Variants in SCARB2 observed in about 807,000 individuals in gnomAD.
The protein encoded by SCARB2 is scavenger receptor class B member 2.
A neutral mutation model predicts 58.6 loss-of-function variants in SCARB2; 29 were observed. The ratio of observed to expected loss-of-function variants is 0.49; its 90% CI spans 0.37 to 0.67. SCARB2 has a LOEUF of 0.67. Ranked by LOEUF, SCARB2 falls within the 30% of genes least tolerant of loss-of-function variation. The pLI, the probability that SCARB2 is intolerant of heterozygous loss-of-function variation, is 0.00. For missense variants in SCARB2, 488 were observed against 578.5 expected, an observed-to-expected ratio of 0.84 and a Z score of 1.60; for synonymous variants, 195 against 210.1, an observed-to-expected ratio of 0.93 and a Z score of 0.62.
intron 8 of SCARB2, among the ~76,000 whole-genome samples, chr4:76,169,657 C>T (rs1430961893): frequency 1.3e-5 from 2 of 152,146 alleles, no homozygotes; most frequent in African/African-American, 2.4e-5. Flanking sequence ...CAGGTTTGCT[C>T]GTATTTCTGC....
At chr4:76,233,227 G>C (rs1414697596) in intron 1 of SCARB2, among the ~76,000 whole-genome samples, 1 of 152,106 alleles carries the variant, frequency 6.6e-6, no homozygotes, top group Non-Finnish European at 1.5e-5. Context: ...TGTGCTAACT[G>C]CAGCCAAGTT....
Position 76,213,660 on chromosome 4 carries a change from C to T in SCARB2, c.-117G>A. 3.9e-6 allele frequency: 3 copies of T among 773,348 alleles called. No individual in the cohort carries two copies. Among genetic ancestry groups the T allele is most frequent in the Non-Finnish European group, 4.3e-6 (2 of 468,618 alleles). The allele number at this position is 773,348 out of a possible 1,614,324, so 47.9% of individuals were successfully genotyped here. ...GGGACCCTTCGGCGCCACGCCCACG[C>T]CCTCCCGGCGCACGGTTCGTGCGCG... On this transcript the variant is annotated 5_prime_UTR_variant, in exon 1 of 12. Transcript: ENST00000264896.
intron 1 of SCARB2, among the ~76,000 whole-genome samples, chr4:76,203,300 TAG>T (rs1226706515): frequency 6.6e-6 from 1 of 152,158 alleles, no homozygotes; most frequent in Admixed American, 6.5e-5. Flanking sequence ...TTTCTTAGAA[TAG>T]ACTCCTAGAT....
At chr4:76,175,446 A>C in intron 6 of SCARB2, 1 of 340,228 alleles carries the variant, frequency 2.9e-6, no homozygotes, top group Non-Finnish European at 5.7e-6. Context: ...CCCTGGGCTA[A>C]GTATTTGACT....
intron 1 of SCARB2, among the ~76,000 whole-genome samples, chr4:76,220,646 T>C (rs1296884460): frequency 6.6e-6 from 1 of 152,204 alleles, no homozygotes; most frequent in East Asian, 1.9e-4. Flanking sequence ...GAAGTCCTGA[T>C]ACATGCTACT....
intron 11 of SCARB2, chr4:76,161,960 C>G: frequency 1.6e-6 from 1 of 629,486 alleles, no homozygotes; most frequent in Non-Finnish European, 2.9e-6. Flanking sequence ...TGACCACTCC[C>G]ACCCTCAATA....
intron 1 of SCARB2, among the ~76,000 whole-genome samples, chr4:76,231,377 G>T (rs1407230905): frequency 6.6e-6 from 1 of 152,210 alleles, no homozygotes; most frequent in Non-Finnish European, 1.5e-5. Flanking sequence ...GCTGCAGCTG[G>T]AGACTGCCGG....
In SCARB2 at chr4:76,160,366, C is replaced by T. The variant is rs1045562557; in HGVS notation, c.*1347G>A. On this transcript the variant is annotated 3_prime_UTR_variant, in exon 12 of 12. Coordinates refer to ENST00000264896, the MANE Select transcript of SCARB2 (RefSeq NM_005506.4). Reference sequence around the variant, plus strand: ...AAAATGAATGCTGAACTTTGAGAATCAAAGAAAATGCCCTTAAATATGCTT... The same window carrying T: ...AAAATGAATGCTGAACTTTGAGAATTAAAGAAAATGCCCTTAAATATGCTT... The T allele has an allele frequency of 6.6e-6, 1 of 152,116 alleles. No homozygotes were observed. Among genetic ancestry groups the T allele is most frequent in the African/African-American group, 2.4e-5 (1 of 41,416 alleles). 9.4% of individuals were successfully genotyped at this position (152,116 alleles called of 1,614,324 possible).
intron 4 of SCARB2, among the ~76,000 whole-genome samples, chr4:76,178,427 G>A (rs1732306648): frequency 6.6e-6 from 1 of 152,162 alleles, no homozygotes; most frequent in African/African-American, 2.4e-5. Context: ...AAAAAAGTGA[G>A]TTATATAATG....
intron 1 of SCARB2, 48 bp downstream of exon 1, chr4:76,213,379 G>T: frequency 7.9e-7 from 1 of 1,269,528 alleles, no homozygotes; most frequent in Non-Finnish European, 1.1e-6. Context: ...GGGATGGGAG[G>T]GTGAGCTGGA....
chr4:76,178,690 G>A (rs775012633), intron 4 of SCARB2, among the ~76,000 whole-genome samples: 4 of 152,172 alleles, frequency 2.6e-5, no homozygotes, highest in Admixed American at 6.5e-5. Flanking sequence ...TGCTTCTCCC[G>A]AATGATGCAT....
intron 5 of SCARB2, 91 bp from the exon 6 acceptor site, chr4:76,176,001 A>G: frequency 6.9e-7 from 1 of 1,453,832 alleles, no homozygotes; most frequent in Non-Finnish European, 9.5e-7. Context: ...ATTTAACTGG[A>G]GCTGTCTATC....
In SCARB2 at chr4:76,160,681, A is replaced by C. The variant is rs1318140469; in HGVS notation, c.*1032T>G. 6.6e-6 allele frequency: 1 copy of C among 151,832 alleles called. No homozygotes were observed. Among genetic ancestry groups the C allele is most frequent in the Non-Finnish European group, 1.5e-5 (1 of 67,986 alleles). 9.4% of individuals were successfully genotyped at this position (151,832 alleles called of 1,614,324 possible). On this transcript the variant is annotated 3_prime_UTR_variant, in exon 12 of 12. Coordinates refer to ENST00000264896, the MANE Select transcript of SCARB2 (RefSeq NM_005506.4). ...AAAAAGAACTTCAAAATTACCAAGA[A>C]GGCGGCTGTCCCAGAAGAAATATCT... is the stretch of plus-strand genomic sequence containing the variant.
chr4:76,212,864 T>C (rs1413912692), intron 1 of SCARB2, among the ~76,000 whole-genome samples: 1 of 152,152 alleles, frequency 6.6e-6, no homozygotes, highest in East Asian at 1.9e-4. Flanking sequence ...TGGTACAAGA[T>C]ACAAAGCCAC....
rs144649278 is a variant in SCARB2, at chr4:76,200,612, T to C, written c.118-4748A>G. Reference sequence around the variant, plus strand: ...GCTAAGGACACAAAACCAACATGCATGTAACAGGGAGTGAAAAATTATGTG... The same window carrying C: ...GCTAAGGACACAAAACCAACATGCACGTAACAGGGAGTGAAAAATTATGTG... On this transcript the variant is annotated intron_variant, in intron 1 of 11. Transcript: ENST00000264896. Among the ~76,000 whole-genome samples the C allele has an allele frequency of 9.4e-3, 1,437 of 152,300 alleles. 16 individuals are homozygous for C. Among genetic ancestry groups the C allele is most frequent in the Non-Finnish European group, 0.014 (973 of 68,018 alleles).
chr4:76,212,971 G>A (rs772309435), intron 1 of SCARB2, among the ~76,000 whole-genome samples: 2 of 152,220 alleles, frequency 1.3e-5, no homozygotes, highest in Non-Finnish European at 2.9e-5. Flanking sequence ...AAGAGGGCAA[G>A]AACACAATAG....
chr4:76,190,789 C>T (rs1732589340), intron 2 of SCARB2, among the ~76,000 whole-genome samples: 2 of 143,660 alleles, frequency 1.4e-5, no homozygotes, highest in Non-Finnish European at 3.0e-5. Context: ...GTCTCAAAAA[C>T]AAACAAACAA....
At chr4:76,204,424 G>A (rs377069122) in intron 1 of SCARB2, among the ~76,000 whole-genome samples, 6 of 152,116 alleles carry the variant, frequency 3.9e-5, no homozygotes, top group Non-Finnish European at 7.4e-5. Flanking sequence ...GTAGCTCATG[G>A]GTGAACTGTA....
In SCARB2 at chr4:76,176,515, T is replaced by C; in HGVS notation, c.626A>G (p.Asn209Ser). The C allele has an allele frequency of 6.2e-7, 1 of 1,607,880 alleles. No homozygotes were observed. Among genetic ancestry groups the C allele is most frequent in the Non-Finnish European group, 8.5e-7 (1 of 1,175,422 alleles). Reference protein sequence around the residue: ...FGLFYEKNGTNDGDYVFLTGE... With the variant: ...FGLFYEKNGTSDGDYVFLTGE... ...AGTTAGAAAAACATAGTCTCCATCA[T>C]TAGTCCCATTTTTCTGAAAATATGT... Residue 209 changes from asparagine to serine, a missense_variant, in exon 5 of 12, where the codon AAT (asparagine) becomes AGT (serine). By Grantham distance (46) the Asn-to-Ser change is conservative. Coordinates refer to ENST00000264896, the MANE Select transcript of SCARB2 (RefSeq NM_005506.4).
Sources: allele counts gnomAD v4.1 joint callset (sites outside exome capture counted in the v4.1 genomes callset), GRCh38; gene constraint gnomAD v4.1.1; transcripts MANE v1.5; gene names NCBI Gene and HGNC (gene_info 2026-07-23, HGNC 2026-07-21).